The following SLC30A6 variants were observed in gnomAD, a reference collection of about 807,000 sequenced individuals.
SLC30A6 encodes the protein zinc transporter 6.
In SLC30A6, 55 loss-of-function variants were observed where a neutral mutation model predicts 63.0. The ratio of observed to expected loss-of-function variants is 0.87; its 90% CI spans 0.70 to 1.09. The LOEUF (loss-of-function observed/expected upper bound fraction) is 1.09, where lower values mean the gene tolerates loss of function less well. SLC30A6 is among the 50% of genes least tolerant of loss of function. The pLI is 0.00. For synonymous variants in SLC30A6, 224 were observed against 186.1 expected, an observed-to-expected ratio of 1.20 and a Z score of -1.66; for missense variants, 587 against 549.2, an observed-to-expected ratio of 1.07 and a Z score of -0.69.
chr2:32,188,884 A>G (rs976568150), intron 5 of SLC30A6, among the ~76,000 whole-genome samples: 8 of 152,180 alleles, frequency 5.3e-5, no homozygotes, highest in Non-Finnish European at 1.0e-4. Context: ...TCTGACCTCT[A>G]ACATTGCATA....
In SLC30A6 at chr2:32,193,935, T is replaced by C. The variant is rs778026854; in HGVS notation, c.448T>C (p.Phe150Leu). The change falls in exon 8 of 14, where the codon TTC becomes CTC. Residue 150 changes from phenylalanine (F) to leucine (L), a missense_variant. By Grantham distance (22) the Phe-to-Leu change is conservative. Coordinates refer to ENST00000282587, the MANE Select transcript of SLC30A6 (RefSeq NM_017964.5). ...GTFVALCFNL[F>L]TMLSIRNKPF... ...TTTTGTGGCTCTTTGTTTCAACCTG[T>C]TCACGATGCTTTCTATTCGGAATAA... 52 of 1,613,624 alleles carry C rather than the reference T, an allele frequency of 3.2e-5. No homozygotes were observed. Among genetic ancestry groups the C allele is most frequent in the Non-Finnish European group, 4.2e-5 (50 of 1,179,810 alleles).
At chr2:32,200,375 G>A (rs973654753) in intron 10 of SLC30A6, among the ~76,000 whole-genome samples, 4 of 151,858 alleles carry the variant, frequency 2.6e-5, no homozygotes, top group Admixed American at 6.6e-5. Context: ...CATTGAGAAC[G>A]GGCCACGATG....
intron 4 of SLC30A6, 92 bp downstream of exon 4, chr2:32,175,453 A>T: frequency 1.9e-6 from 2 of 1,030,264 alleles, no homozygotes; most frequent in Non-Finnish European, 2.9e-6. Flanking sequence ...AAAAACAGCA[A>T]CTACTGATAT....
At chr2:32,185,877 G>A (rs1223331813) in intron 5 of SLC30A6, among the ~76,000 whole-genome samples, 5 of 149,160 alleles carry the variant, frequency 3.4e-5, no homozygotes, top group Admixed American at 6.7e-5. Context: ...GTGCCACCAC[G>A]CCTGGCTCAG....
intron 12 of SLC30A6, among the ~76,000 whole-genome samples, chr2:32,207,732 G>A (rs1307648490): frequency 6.1e-5 from 7 of 114,500 alleles, no homozygotes; most frequent in South Asian, 2.8e-4. Context: ...ATGGAGTCTC[G>A]CTCTGTCGCC....
intron 5 of SLC30A6, among the ~76,000 whole-genome samples, chr2:32,184,845 G>T (rs1370781026): frequency 6.6e-6 from 1 of 152,098 alleles, no homozygotes; most frequent in African/African-American, 2.4e-5. Flanking sequence ...TTCACATTAA[G>T]TTTTTTATAT....
intron 5 of SLC30A6, among the ~76,000 whole-genome samples, chr2:32,191,280 C>T (rs939857291): frequency 5.9e-5 from 9 of 152,078 alleles, no homozygotes; most frequent in African/African-American, 1.9e-4. Flanking sequence ...TCTATCATAA[C>T]CTACTTTTTT....
In SLC30A6 at chr2:32,197,324, T is replaced by G. The variant is rs1683881400; in HGVS notation, c.497-20T>G. 6.2e-7 allele frequency: 1 copy of G among 1,601,196 alleles called. No individual in the cohort carries two copies. The highest frequency in any genetic ancestry group is 1.1e-5 in the South Asian group (1 of 88,628). ...TTTTTTTTCTTCTATATAGATAATT[T>G]AAGTATTTTCTTCTTAAAGCTGCTA... On this transcript the variant is annotated intron_variant, in intron 8 of 13. Coordinates refer to ENST00000282587, the MANE Select transcript of SLC30A6 (RefSeq NM_017964.5).
At chr2:32,217,148 T>C (rs1390622597) in intron 13 of SLC30A6, among the ~76,000 whole-genome samples, 7 of 152,064 alleles carry the variant, frequency 4.6e-5, no homozygotes, top group Non-Finnish European at 1.0e-4. Flanking sequence ...TCTGCCTACC[T>C]CGGCCACCCA....
chr2:32,203,230 A>G (rs1188866008), intron 10 of SLC30A6: 2 of 1,033,212 alleles, frequency 1.9e-6, no homozygotes, highest in South Asian at 1.3e-5. Context: ...ATCGTTCTGG[A>G]CGCACAGGTA....
In SLC30A6 at chr2:32,171,312, C is replaced by T. The variant is rs567537876; in HGVS notation, c.29C>T (p.Pro10Leu). 1.9e-6 allele frequency: 3 copies of T among 1,613,604 alleles called. No individual in the cohort carries two copies. The African/African-American group carries it at 4.0e-5, about 22-fold the overall frequency. The change falls in exon 2 of 14, where the codon CCA (proline) becomes CTA (leucine). Residue 10 changes from proline to leucine, a missense_variant. Coordinates refer to ENST00000282587, the MANE Select transcript of SLC30A6 (RefSeq NM_017964.5). ...GGGACAATTCATCTCTTTCGAAAAC[C>T]ACAAAGATCCTTTTTTGGCAAGTTG... MGTIHLFRK[P>L]QRSFFGKLLR...
At chr2:32,169,410 C>G (rs530381725) in intron 1 of SLC30A6, among the ~76,000 whole-genome samples, 27 of 152,220 alleles carry the variant, frequency 1.8e-4, no homozygotes, top group African/African-American at 6.0e-4. Context: ...CTCCTGGGCT[C>G]AACTGATCCT....
intron 3 of SLC30A6, among the ~76,000 whole-genome samples, 191 bp downstream of exon 3, chr2:32,174,338 T>G (rs1681515005): frequency 6.6e-6 from 1 of 152,076 alleles, no homozygotes; most frequent in Non-Finnish European, 1.5e-5. Context: ...TTGTAATTTT[T>G]TTTTAAGTTT....
intron 1 of SLC30A6, among the ~76,000 whole-genome samples, chr2:32,167,785 G>C (rs1680817111): frequency 6.6e-6 from 1 of 152,174 alleles, no homozygotes; most frequent in African/African-American, 2.4e-5. Flanking sequence ...AGGGATAAGA[G>C]ACTTAAAATT....
At position 32,223,941 on chromosome 2, in the gene SLC30A6, G is replaced by C. The variant is rs1371978911; in HGVS notation, c.*3228G>C. Reference sequence around the variant, plus strand: ...GTACTGGAGAGGACCTGAATTTCAAGCTTCTGATTTAGCTGTTTGTAAACT... The same window carrying C: ...GTACTGGAGAGGACCTGAATTTCAACCTTCTGATTTAGCTGTTTGTAAACT... On this transcript the variant is annotated 3_prime_UTR_variant, in exon 14 of 14. Transcript: ENST00000282587. 1 of 152,180 alleles carries C rather than the reference G, an allele frequency of 6.6e-6. No homozygotes were observed. Among genetic ancestry groups the C allele is most frequent in the Non-Finnish European group, 1.5e-5 (1 of 68,074 alleles). The allele number at this position is 152,180 out of a possible 1,614,324, so 9.4% of individuals were successfully genotyped here.
intron 4 of SLC30A6, among the ~76,000 whole-genome samples, chr2:32,181,277 G>A (rs192174859): frequency 2.0e-4 from 30 of 152,284 alleles, no homozygotes; most frequent in Admixed American, 2.0e-3. Flanking sequence ...AATATTAGAT[G>A]CCAACAGTTT....
chr2:32,181,994 CAT>C (rs1682366702), intron 4 of SLC30A6, among the ~76,000 whole-genome samples: 1 of 138,628 alleles, frequency 7.2e-6, no homozygotes, highest in South Asian at 2.3e-4. Flanking sequence ...AGTACAGTGA[CAT>C]AGTCATGGCT....
intron 2 of SLC30A6, among the ~76,000 whole-genome samples, chr2:32,171,807 C>T (rs1407226604): frequency 6.6e-6 from 1 of 152,080 alleles, no homozygotes; most frequent in African/African-American, 2.4e-5. Context: ...ATTCTCCTGC[C>T]TCAGCCTCCC....
At chr2:32,195,063 T>TA (rs1184800989) in intron 8 of SLC30A6, among the ~76,000 whole-genome samples, 1 of 151,730 alleles carries the variant, frequency 6.6e-6, no homozygotes, top group African/African-American at 2.4e-5. Context: ...TTTATGTGCT[T>TA]ACTTAGAATT....
Sources: gnomAD v4.1 joint callset for allele counts (sites outside exome capture counted in the v4.1 genomes callset) on GRCh38, gnomAD v4.1.1 for gene constraint, MANE v1.5 for transcripts, NCBI Gene and HGNC (gene_info 2026-07-23, HGNC 2026-07-21) for gene names.